The following KDM4C variants were observed in gnomAD, a reference collection of about 807,000 sequenced individuals.
KDM4C encodes lysine demethylase 4C, also known as lysine-specific demethylase 4C.
In KDM4C, 81 loss-of-function variants were observed where a neutral mutation model predicts 129.3. The observed-to-expected ratio is 0.63, with a 90% CI of 0.52 to 0.75. The LOEUF (loss-of-function observed/expected upper bound fraction) is 0.75, where lower values mean the gene tolerates loss of function less well. KDM4C is among the 30% of genes least tolerant of loss of function. The probability of loss-of-function intolerance (pLI) is 0.00; values close to 1 mark genes in which losing one functional copy is unlikely to be tolerated. For synonymous variants in KDM4C, 573 were observed against 456.1 expected (o/e 1.26, Z -3.26); for missense variants, 1,457 against 1,304.0 (o/e 1.12, Z -1.81).
At position 6,924,752 on chromosome 9, in the gene KDM4C, C is replaced by T. The variant is rs898273494; in HGVS notation, c.921+31520C>T. The T allele has an allele frequency of 1.3e-5, 13 of 983,560 alleles. No individual in the cohort carries two copies. In the African/African-American group the frequency reaches 1.9e-4, roughly 15 times the overall value. The allele number at this position is 983,560 out of a possible 1,614,324, so 60.9% of individuals were successfully genotyped here. A position where few individuals can be genotyped will look rare whatever the true frequency, so the allele number is the denominator to read the frequency against. ...TTTTGTCTGAGGAGTTTTTATTAAACACAAAAACTTAAAATGTTTAAAGTT... is the reference window on the plus strand; with the variant it reads ...TTTTGTCTGAGGAGTTTTTATTAAATACAAAAACTTAAAATGTTTAAAGTT... On this transcript the variant is annotated intron_variant, in intron 8 of 21. Transcript: ENST00000381309.
intron 17 of KDM4C, among the ~76,000 whole-genome samples, chr9:7,061,773 C>T (rs1831707599): frequency 6.6e-6 from 1 of 152,214 alleles, no homozygotes; most frequent in South Asian, 2.1e-4. Flanking sequence ...TGAGAGTAAA[C>T]CTTCAGGTTT....
chr9:6,862,213 C>G (rs1841064934), intron 5 of KDM4C, among the ~76,000 whole-genome samples: 1 of 152,098 alleles, frequency 6.6e-6, no homozygotes, highest in Admixed American at 6.5e-5. Context: ...AGATATTATA[C>G]TTGAGAAAGG....
At chr9:6,772,426 A>G (rs1176614331) in intron 1 of KDM4C, among the ~76,000 whole-genome samples, 1 of 151,950 alleles carries the variant, frequency 6.6e-6, no homozygotes, top group Non-Finnish European at 1.5e-5. Context: ...CAATGGCACG[A>G]TCTTGGCTCA....
At chr9:6,889,202 G>T (rs1016302017) in intron 7 of KDM4C, among the ~76,000 whole-genome samples, 2 of 106,914 alleles carry the variant, frequency 1.9e-5, no homozygotes, top group Non-Finnish European at 3.5e-5. Flanking sequence ...TCTTACTGTG[G>T]CCTTCTTTTT....
chr9:6,815,207 A>C lies in KDM4C; in HGVS notation c.435+462A>C, dbSNP rs1467738487. 2 of 152,044 alleles carry C rather than the reference A, an allele frequency of 1.3e-5. 1 individual carries two copies. The highest frequency in any genetic ancestry group is 4.2e-4 in the South Asian group (2 of 4,816). 9.4% of individuals were successfully genotyped at this position (152,044 alleles called of 1,614,324 possible). A position where few individuals can be genotyped will look rare whatever the true frequency, so the allele number is the denominator to read the frequency against. ...ATTGTAATATATATATATATTTTTA[A>C]AAAGTACATGTTATTACAGTCTAGC... On this transcript the variant is annotated intron_variant, in intron 4 of 21. Coordinates refer to ENST00000381309, the MANE Select transcript of KDM4C (RefSeq NM_015061.6).
intron 8 of KDM4C, among the ~76,000 whole-genome samples, chr9:6,961,837 C>T (rs1830106695): frequency 1.3e-5 from 2 of 152,126 alleles, no homozygotes; most frequent in South Asian, 4.1e-4. Flanking sequence ...ATAGAAATTG[C>T]CATCATTTTA....
intron 4 of KDM4C, among the ~76,000 whole-genome samples, chr9:6,831,952 C>T (rs1380408507): frequency 6.6e-6 from 1 of 152,146 alleles, no homozygotes; most frequent in Non-Finnish European, 1.5e-5. Context: ...AAACTAGATC[C>T]TGAGTACTTA....
At chr9:6,799,425 A>C (rs904116886) in intron 2 of KDM4C, among the ~76,000 whole-genome samples, 19 of 152,218 alleles carry the variant, frequency 1.2e-4, no homozygotes, top group Middle Eastern at 6.8e-3. Flanking sequence ...ACCAGTCAGG[A>C]GTGGCGGCGC....
At chr9:6,948,718 T>A (rs7848840) in intron 8 of KDM4C, among the ~76,000 whole-genome samples, 45,287 of 151,618 alleles carry the variant, frequency 0.3, 7,822 homozygotes, top group East Asian at 0.57. Flanking sequence ...AGCATCTTTT[T>A]AACAAAGCAC....
At chr9:6,851,177 G>A (rs1193908229) in intron 5 of KDM4C, among the ~76,000 whole-genome samples, 3 of 152,124 alleles carry the variant, frequency 2.0e-5, no homozygotes, top group African/African-American at 7.2e-5. Flanking sequence ...TGGAGTCTTA[G>A]TGTGTTGTCC....
chr9:6,911,405 A>C (rs916243055), intron 8 of KDM4C, among the ~76,000 whole-genome samples: 2 of 152,222 alleles, frequency 1.3e-5, no homozygotes, highest in Admixed American at 6.5e-5. Context: ...CAGTGTGCGT[A>C]ATTGCATCTG....
intron 8 of KDM4C, among the ~76,000 whole-genome samples, chr9:6,936,827 C>G (rs1824884935): frequency 6.6e-6 from 1 of 152,134 alleles, no homozygotes; most frequent in South Asian, 2.1e-4. Flanking sequence ...CTCCTCTGTG[C>G]TTTAGTTTCC....
At chr9:6,889,211 T>TTTTTTTTGTGTGTGTG (rs766335055) in intron 7 of KDM4C, among the ~76,000 whole-genome samples, 1 of 61,552 alleles carries the variant, frequency 1.6e-5, no homozygotes, top group African/African-American at 6.7e-5. Context: ...GGCCTTCTTT[T>TTTTTTTTGTGTGTGTG]TGTGTGTGTG....
intron 12 of KDM4C, among the ~76,000 whole-genome samples, chr9:7,006,586 T>G (rs1325369738): frequency 6.6e-6 from 1 of 152,094 alleles, no homozygotes; most frequent in Non-Finnish European, 1.5e-5. Flanking sequence ...AAGCAGGCTG[T>G]GAATGGCTAA....
rs541621319 is a variant in KDM4C at position 6,912,392 on chromosome 9, A to G, written c.921+19160A>G. Among the ~76,000 whole-genome samples the G allele has an allele frequency of 2.0e-5, 3 of 152,302 alleles. No individual in the cohort carries two copies. The East Asian group carries it at 5.8e-4, about 29-fold the overall frequency. ...GACTGCTGGAGAAGATGTACACACC[A>G]TGCTGGCATTCCTTGACATGCTTCA... On this transcript the variant is annotated intron_variant, in intron 8 of 21. Transcript: ENST00000381309.
chr9:6,746,014 C>G (rs944863134), intron 1 of KDM4C, among the ~76,000 whole-genome samples: 1 of 152,050 alleles, frequency 6.6e-6, no homozygotes, highest in Non-Finnish European at 1.5e-5. Flanking sequence ...CCATGTTGGT[C>G]AGGCTGGTCT....
At chr9:6,913,353 GAAAC>G (rs1819668152) in intron 8 of KDM4C, among the ~76,000 whole-genome samples, 1 of 152,226 alleles carries the variant, frequency 6.6e-6, no homozygotes, top group South Asian at 2.1e-4. Flanking sequence ...AGGATATGGT[GAAAC>G]AAACCCATTT....
chr9:6,864,393 A>T (rs1358564366), intron 5 of KDM4C, among the ~76,000 whole-genome samples: 1 of 152,170 alleles, frequency 6.6e-6, no homozygotes, highest in Non-Finnish European at 1.5e-5. Context: ...GAGTTCCTTT[A>T]TATGTCATTG....
intron 5 of KDM4C, among the ~76,000 whole-genome samples, chr9:6,868,891 A>G (rs1338793243): frequency 6.6e-6 from 1 of 152,126 alleles, no homozygotes; most frequent in Non-Finnish European, 1.5e-5. Flanking sequence ...TTCTCACGAA[A>G]AATAGTGTGT....
Sources: allele counts gnomAD v4.1 joint callset (sites outside exome capture counted in the v4.1 genomes callset), GRCh38; gene constraint gnomAD v4.1.1; transcripts MANE v1.5; gene names NCBI Gene and HGNC (gene_info 2026-07-23, HGNC 2026-07-21).